IL3RA: variants seen among roughly 807,000 people sequenced by gnomAD.
IL3RA encodes interleukin-3 receptor subunit alpha.
A neutral mutation model predicts 52.3 loss-of-function variants in IL3RA; 73 were observed. That is an observed-to-expected ratio of 1.40 (90% CI 1.16 to 1.70). The LOEUF (loss-of-function observed/expected upper bound fraction) is 1.70. Ranked by LOEUF, IL3RA falls within the 40% of genes most tolerant of loss-of-function variation. The probability of loss-of-function intolerance (pLI) is 0.00; values close to 1 mark genes in which losing one functional copy is unlikely to be tolerated. For synonymous variants in IL3RA, 260 were observed against 194.0 expected (o/e 1.34, Z -2.83); for missense variants, 664 against 504.4 (o/e 1.32, Z -3.03).
intron 6 of IL3RA, among the ~76,000 whole-genome samples, chrX:1,353,633 C>CATCATAGGT (rs2086319180): frequency 1.0e-5 from 1 of 97,780 alleles, no homozygotes; most frequent in African/African-American, 4.4e-5. Context: ...ATGGGACCCC[C>CATCATAGGT]CCCATCATGG....
intron 11 of IL3RA, 151 bp from the exon 12 acceptor site, chrX:1,382,240 C>T (rs1313724172): frequency 2.8e-5 from 20 of 725,366 alleles, no homozygotes; most frequent in Admixed American, 1.4e-4. Flanking sequence ...TGACCCACCG[C>T]GCCTGGCCCA....
chrX:1,351,249 ATATTAT>A (rs1327036175), intron 4 of IL3RA, among the ~76,000 whole-genome samples: 1 of 152,304 alleles, frequency 6.6e-6, no homozygotes, highest in African/African-American at 2.4e-5. Flanking sequence ...GGATCTCTCC[ATATTAT>A]TATTATTTTT....
chrX:1,358,979 AT>A, intron 8 of IL3RA, 92 bp downstream of exon 8: 1 of 858,662 alleles, frequency 1.2e-6, no homozygotes, highest in Non-Finnish European at 1.6e-6. Flanking sequence ...AATATTAATA[AT>A]TCTTATTAAT....
intron 9 of IL3RA, among the ~76,000 whole-genome samples, chrX:1,378,207 AAAAG>A (rs1311829603): frequency 6.6e-6 from 1 of 151,828 alleles, no homozygotes; most frequent in African/African-American, 2.4e-5. Context: ...AAGAAAAAGA[AAAAG>A]AAAAAATTAA....
At chrX:1,342,591 A>G (rs748138368) in intron 2 of IL3RA, among the ~76,000 whole-genome samples, 5 of 102,944 alleles carry the variant, frequency 4.9e-5, no homozygotes, top group African/African-American at 1.6e-4. Flanking sequence ...ACAGAGTTTC[A>G]TTCTGGTCGC....
chrX:1,379,524 T>A (rs754064407), intron 10 of IL3RA, among the ~76,000 whole-genome samples: 1 of 152,296 alleles, frequency 6.6e-6, no homozygotes, highest in South Asian at 2.1e-4. Context: ...CCAGGAGGTC[T>A]GTAGAGCCAA....
chrX:1,381,231 T>A (rs1480905038), intron 11 of IL3RA, 127 bp downstream of exon 11: 7 of 815,834 alleles, frequency 8.6e-6, no homozygotes, highest in Non-Finnish European at 1.5e-5. Flanking sequence ...AAACTCCGTG[T>A]CTACTAAAAA....
chrX:1,341,552 G>A (rs760870110), intron 1 of IL3RA, among the ~76,000 whole-genome samples, 176 bp from the exon 2 acceptor site: 3,872 of 13,856 alleles, frequency 0.28, 97 homozygotes, highest in Non-Finnish European at 0.42. Context: ...TGATGTGCAT[G>A]CATGTGCAAA....
chrX:1,347,864 C>A (rs1227202441), intron 3 of IL3RA, among the ~76,000 whole-genome samples: 10 of 150,448 alleles, frequency 6.6e-5, no homozygotes, highest in South Asian at 2.1e-4. Flanking sequence ...CGGTGAAACC[C>A]CGTCTCTACT....
At chrX:1,353,091 TATCATGGGTTCC>T (rs2086216394) in intron 6 of IL3RA, among the ~76,000 whole-genome samples, 1 of 135,834 alleles carries the variant, frequency 7.4e-6, no homozygotes, top group African/African-American at 2.8e-5. Context: ...TAGGACCCCC[TATCATGGGTTCC>T]ATCATGGGTC....
intron 2 of IL3RA, among the ~76,000 whole-genome samples, chrX:1,343,523 T>G (rs1259954973): frequency 6.6e-6 from 1 of 151,140 alleles, no homozygotes; most frequent in Non-Finnish European, 1.5e-5. Flanking sequence ...AAAAATTAGC[T>G]GGGCGCGGTG....
chrX:1,348,647 TTTCTTTCTTTC>T (rs1569520675), intron 4 of IL3RA, 102 bp downstream of exon 4: 24 of 308,038 alleles, frequency 7.8e-5, no homozygotes, highest in South Asian at 6.2e-4. Context: ...TCTTTTTCTC[TTTCTTTCTTTC>T]TTTCTTTCTT....
intron 9 of IL3RA, 35 bp from the exon 10 acceptor site, chrX:1,378,624 C>T: frequency 6.3e-7 from 1 of 1,578,754 alleles, no homozygotes. Context: ...CCAGGACGGC[C>T]CCCGGTCTGT....
In IL3RA at chrX:1,381,118, T is replaced by C. The variant is rs775259510; in HGVS notation, c.1062+14T>C. On this transcript the variant is annotated intron_variant, in intron 11 of 11. Transcript: ENST00000331035. ...AACGACAAGCTGGTATGTTGTTTTT[T>C]CTGCCTTGGGACGGGTCTGGAGGCG... is the stretch of plus-strand genomic sequence containing the variant. 11 of 1,613,464 alleles carry C rather than the reference T, an allele frequency of 6.8e-6. No individual in the cohort carries two copies. In the Admixed American group the frequency reaches 1.7e-4, roughly 24 times the overall value.
intron 9 of IL3RA, among the ~76,000 whole-genome samples, 192 bp from the exon 10 acceptor site, chrX:1,378,467 C>G (rs2088951219): frequency 6.8e-6 from 1 of 146,750 alleles, no homozygotes; most frequent in Non-Finnish European, 1.5e-5. Flanking sequence ...GGTCCTGGTA[C>G]TCAGGTGGCC....
chrX:1,348,934 T>C (rs1222207794), intron 4 of IL3RA, among the ~76,000 whole-genome samples: 1 of 145,954 alleles, frequency 6.9e-6, no homozygotes, highest in Non-Finnish European at 1.5e-5. Context: ...CTCCCTCCTC[T>C]TTTCCTTCCT....
chrX:1,367,807 G>A (rs1228286883), intron 9 of IL3RA, among the ~76,000 whole-genome samples: 3 of 146,786 alleles, frequency 2.0e-5, no homozygotes, highest in Non-Finnish European at 3.0e-5. Context: ...CGCCGGGTGA[G>A]CGGGGTGCGC....
chrX:1,344,898 C>T (rs1190706599), intron 2 of IL3RA, among the ~76,000 whole-genome samples: 7 of 149,566 alleles, frequency 4.7e-5, no homozygotes, highest in Non-Finnish European at 1.0e-4. Flanking sequence ...TGCGGTGGCT[C>T]ATGCCTGTAA....
intron 9 of IL3RA, among the ~76,000 whole-genome samples, chrX:1,376,941 T>A (rs2088789640): frequency 7.2e-6 from 1 of 139,118 alleles, no homozygotes; most frequent in Admixed American, 7.3e-5. Flanking sequence ...CACACCTGGA[T>A]CTCAGACCTC....
Sources: allele counts gnomAD v4.1 joint callset (sites outside exome capture counted in the v4.1 genomes callset), GRCh38; gene constraint gnomAD v4.1.1; transcripts MANE v1.5; gene names NCBI Gene and HGNC (gene_info 2026-07-23, HGNC 2026-07-21).